Variants in CAMKMT observed in about 807,000 individuals in gnomAD.
CAMKMT encodes the protein calmodulin-lysine N-methyltransferase.
CAMKMT carries 53 observed loss-of-function variants against 48.0 expected under a neutral mutation model. The ratio of observed to expected loss-of-function variants is 1.10; its 90% CI spans 0.89 to 1.39. CAMKMT has a LOEUF of 1.39. Among genes scored for constraint, CAMKMT ranks in the 40% most tolerant of loss-of-function variants. The pLI, the probability that CAMKMT is intolerant of heterozygous loss-of-function variation, is 0.00. For missense variants in CAMKMT, 428 were observed against 402.7 expected (o/e 1.06, Z -0.54); for synonymous variants, 165 against 152.3 (o/e 1.08, Z -0.61).
intron 3 of CAMKMT, among the ~76,000 whole-genome samples, chr2:44,549,335 T>C (rs1219034351): frequency 1.3e-5 from 2 of 151,774 alleles, no homozygotes; most frequent in Non-Finnish European, 2.9e-5. Context: ...CTCTGCCAGA[T>C]TACTATGATT....
At chr2:44,644,266 T>A (rs967982814) in intron 3 of CAMKMT, among the ~76,000 whole-genome samples, 1 of 152,236 alleles carries the variant, frequency 6.6e-6, no homozygotes, top group Non-Finnish European at 1.5e-5. Flanking sequence ...AGGAATTTTG[T>A]GTAAAATGTA....
intron 3 of CAMKMT, among the ~76,000 whole-genome samples, chr2:44,622,104 A>G (rs542120526): frequency 6.6e-6 from 1 of 152,336 alleles, no homozygotes; most frequent in African/African-American, 2.4e-5. Context: ...AGGAGAGTCA[A>G]CAATCTCCAG....
intron 7 of CAMKMT, among the ~76,000 whole-genome samples, chr2:44,737,527 T>A (rs1679420280): frequency 6.6e-6 from 1 of 152,210 alleles, no homozygotes; most frequent in Non-Finnish European, 1.5e-5. Context: ...GACAAGACCC[T>A]TCTGAGGACT....
chr2:44,439,514 C>G (rs963546170), intron 3 of CAMKMT, among the ~76,000 whole-genome samples: 1 of 152,046 alleles, frequency 6.6e-6, no homozygotes, highest in South Asian at 2.1e-4. Context: ...TGCTTCCCCT[C>G]ACATTCTTTC....
chr2:44,446,020 A>G (rs185631027), intron 3 of CAMKMT, among the ~76,000 whole-genome samples: 4 of 152,168 alleles, frequency 2.6e-5, no homozygotes, highest in Admixed American at 2.6e-4. Context: ...TCAGTTAGAC[A>G]TACTTCTTTA....
chr2:44,578,458 CG>C (rs1669361246), intron 3 of CAMKMT, among the ~76,000 whole-genome samples: 2 of 94,622 alleles, frequency 2.1e-5, no homozygotes, highest in Admixed American at 2.1e-4. Flanking sequence ...TGTAGATCTG[CG>C]ATCTTCAGCC....
intron 3 of CAMKMT, among the ~76,000 whole-genome samples, chr2:44,600,861 A>G (rs1670943620): frequency 6.6e-6 from 1 of 152,140 alleles, no homozygotes; most frequent in South Asian, 2.1e-4. Context: ...TACTACAATT[A>G]TAGTACAATG....
intron 7 of CAMKMT, among the ~76,000 whole-genome samples, chr2:44,728,167 C>T (rs1033167356): frequency 6.6e-6 from 1 of 152,144 alleles, no homozygotes; most frequent in Non-Finnish European, 1.5e-5. Flanking sequence ...CTCAAGAAAT[C>T]CTCCTGCCTC....
chr2:44,547,961 G>T lies in CAMKMT; in HGVS notation c.377-156322G>T, dbSNP rs905032744. 7.9e-5 allele frequency among the ~76,000 whole-genome samples: 12 copies of T among 152,258 alleles called. 1 individual carries two copies. In the East Asian group the frequency reaches 2.1e-3, roughly 27 times the overall value. ...TCTCTCATTGGCTGCTTGCCCATCA[G>T]AGGCACACTGATCACTCTAAATATC... is the stretch of plus-strand genomic sequence containing the variant. On this transcript the variant is annotated intron_variant, in intron 3 of 10. Transcript: ENST00000378494.
chr2:44,658,434 AT>A (rs1402424796), intron 3 of CAMKMT, among the ~76,000 whole-genome samples: 1 of 152,168 alleles, frequency 6.6e-6, no homozygotes, highest in Non-Finnish European at 1.5e-5. Flanking sequence ...CAGTGGGCTA[AT>A]TGGCTGGAGA....
chr2:44,366,241 G>C (rs541202928), intron 1 of CAMKMT, among the ~76,000 whole-genome samples: 117 of 152,282 alleles, frequency 7.7e-4, no homozygotes, highest in African/African-American at 2.7e-3. Flanking sequence ...AGAATAAGTA[G>C]AATAAAAAGG....
At chr2:44,537,552 G>A (rs746353826) in intron 3 of CAMKMT, among the ~76,000 whole-genome samples, 1 of 152,048 alleles carries the variant, frequency 6.6e-6, no homozygotes, top group Non-Finnish European at 1.5e-5. Context: ...GAGAGAAAAG[G>A]GAACTCTTTT....
intron 3 of CAMKMT, among the ~76,000 whole-genome samples, chr2:44,512,302 A>G (rs948523704): frequency 6.6e-6 from 1 of 152,218 alleles, no homozygotes; most frequent in African/African-American, 2.4e-5. Context: ...CATTTTCTTT[A>G]TAAACTGAGG....
intron 3 of CAMKMT, among the ~76,000 whole-genome samples, chr2:44,642,247 G>A (rs1441081444): frequency 6.6e-6 from 1 of 152,186 alleles, no homozygotes; most frequent in Non-Finnish European, 1.5e-5. Context: ...GTATAGGCAG[G>A]CCTGGGGCAT....
At chr2:44,507,780 C>T (rs1288863089) in intron 3 of CAMKMT, among the ~76,000 whole-genome samples, 1 of 152,084 alleles carries the variant, frequency 6.6e-6, no homozygotes, top group Admixed American at 6.5e-5. Flanking sequence ...CAGCTTGTAC[C>T]AGAATTAAAT....
rs549964415 is a variant in CAMKMT, at chr2:44,615,989, T to G, written c.377-88294T>G. Among the ~76,000 whole-genome samples, 3 of 152,248 alleles carry G rather than the reference T, an allele frequency of 2.0e-5. No homozygotes were observed. In the East Asian group the frequency reaches 5.8e-4, roughly 29 times the overall value. On this transcript the variant is annotated intron_variant, in intron 3 of 10. Coordinates refer to ENST00000378494, the MANE Select transcript of CAMKMT (RefSeq NM_024766.5). Reference sequence around the variant, plus strand: ...TCTGTCCCTTGCTCTCCCTCTAGTTTCCCTAGATCAGGGTGGAAACTCTCC... The same window carrying G: ...TCTGTCCCTTGCTCTCCCTCTAGTTGCCCTAGATCAGGGTGGAAACTCTCC...
chr2:44,739,095 G>T (rs753677145), intron 7 of CAMKMT, among the ~76,000 whole-genome samples: 5 of 152,174 alleles, frequency 3.3e-5, no homozygotes, highest in African/African-American at 4.8e-5. Context: ...AGGGTTTTCA[G>T]GTCATTGTAA....
At chr2:44,647,583 G>A (rs1673804151) in intron 3 of CAMKMT, among the ~76,000 whole-genome samples, 1 of 151,948 alleles carries the variant, frequency 6.6e-6, no homozygotes, top group Non-Finnish European at 1.5e-5. Context: ...TTGCTCGGGG[G>A]ACAACTGTGA....
chr2:44,754,759 C>G (rs1386061627), intron 9 of CAMKMT, among the ~76,000 whole-genome samples: 1 of 151,722 alleles, frequency 6.6e-6, no homozygotes, highest in Non-Finnish European at 1.5e-5. Context: ...TTTTGTTGGA[C>G]TGTTAAACTA....
Sources: gnomAD v4.1 joint callset for allele counts (sites outside exome capture counted in the v4.1 genomes callset) on GRCh38, gnomAD v4.1.1 for gene constraint, MANE v1.5 for transcripts, NCBI Gene and HGNC (gene_info 2026-07-23, HGNC 2026-07-21) for gene names.